The following PRELID2 variants were observed in gnomAD, a reference collection of about 807,000 sequenced individuals.
PRELID2 encodes PRELI domain-containing protein 2.
In PRELID2, 25 loss-of-function variants were observed where a neutral mutation model predicts 28.4. The observed-to-expected ratio is 0.88, with a 90% confidence interval of 0.64 to 1.23. The LOEUF is 1.23. PRELID2 is among the 50% of genes most tolerant of loss of function. The pLI is 0.00. For missense variants in PRELID2, 201 were observed against 214.4 expected (o/e 0.94, Z 0.39); for synonymous variants, 76 against 71.6 (o/e 1.06, Z -0.31).
chr5:145,546,263 CAG>C (rs1191525078), intron 1 of PRELID2, among the ~76,000 whole-genome samples: 4 of 152,098 alleles, frequency 2.6e-5, no homozygotes, highest in South Asian at 2.1e-4. Context: ...AACAGGGAAA[CAG>C]AAAATAATCT....
chr5:145,716,049 T>G (rs1397006821), intron 1 of PRELID2, among the ~76,000 whole-genome samples: 2 of 152,170 alleles, frequency 1.3e-5, no homozygotes, highest in Non-Finnish European at 2.9e-5. Flanking sequence ...ATGAGATTTT[T>G]TTTGGCGATT....
At chr5:145,268,613 A>G in the PRELID2 span, among the ~76,000 whole-genome samples, 4 of 152,130 alleles carry the variant, frequency 2.6e-5, no homozygotes, top group South Asian at 8.3e-4. Context: ...AGGTGCCTCT[A>G]GTCAGCTTTC....
chr5:145,699,248 T>G (rs923687381), intron 1 of PRELID2, among the ~76,000 whole-genome samples: 1 of 152,110 alleles, frequency 6.6e-6, no homozygotes, highest in Non-Finnish European at 1.5e-5. Flanking sequence ...GGCAAAGCTA[T>G]GTGAATTATT....
At chr5:145,609,981 A>C (rs1447528906) in intron 1 of PRELID2, among the ~76,000 whole-genome samples, 1 of 152,224 alleles carries the variant, frequency 6.6e-6, no homozygotes, top group Admixed American at 6.5e-5. Flanking sequence ...TATTAGGGCT[A>C]TGGTGCTGGT....
At chr5:145,780,409 T>C (rs776572285) in intron 5 of PRELID2, among the ~76,000 whole-genome samples, 6 of 152,218 alleles carry the variant, frequency 3.9e-5, no homozygotes, top group Non-Finnish European at 7.3e-5. Flanking sequence ...GGTTCCAATA[T>C]TGTCCTCCTT....
intron 5 of PRELID2, among the ~76,000 whole-genome samples, chr5:145,765,597 C>T (rs1399544906): frequency 6.6e-6 from 1 of 152,156 alleles, no homozygotes. Context: ...GGCCCCCTTC[C>T]CTTAATTTGG....
the PRELID2 span, among the ~76,000 whole-genome samples, chr5:145,380,143 G>A: frequency 6.6e-6 from 1 of 152,170 alleles, no homozygotes; most frequent in Non-Finnish European, 1.5e-5. Flanking sequence ...GCTAATTTAA[G>A]TGTCCATGGT....
At chr5:145,769,502 C>G (rs1757973590) in intron 5 of PRELID2, among the ~76,000 whole-genome samples, 1 of 152,200 alleles carries the variant, frequency 6.6e-6, no homozygotes, top group Non-Finnish European at 1.5e-5. Flanking sequence ...AGTATATTTA[C>G]TTTGCTATAA....
the PRELID2 span, among the ~76,000 whole-genome samples, chr5:145,436,403 A>G: frequency 6.6e-6 from 1 of 152,124 alleles, no homozygotes; most frequent in African/African-American, 2.4e-5. Flanking sequence ...ATATGCATGC[A>G]TATGTCTTTA....
intron 1 of PRELID2, among the ~76,000 whole-genome samples, chr5:145,526,458 T>C (rs1004778152): frequency 1.3e-5 from 2 of 152,094 alleles, no homozygotes; most frequent in African/African-American, 4.8e-5. Context: ...CTGCTTCCTA[T>C]ATTTGTACAT....
the PRELID2 span, among the ~76,000 whole-genome samples, chr5:145,405,305 C>T: frequency 6.6e-6 from 1 of 152,110 alleles, no homozygotes; most frequent in Non-Finnish European, 1.5e-5. Context: ...ACAGTTTATC[C>T]TAAACTCACC....
At chr5:145,319,680 AAAATAAATAAATAAATAAATAAATAAAT>A in the PRELID2 span, among the ~76,000 whole-genome samples, 1 of 144,576 alleles carries the variant, frequency 6.9e-6, no homozygotes, top group African/African-American at 2.6e-5. Context: ...CTCCATCTCA[AAAATAAATAAATAAATAAATAAATAAAT>A]AAATAAATAA....
At chr5:145,311,348 G>A in the PRELID2 span, among the ~76,000 whole-genome samples, 413 of 152,192 alleles carry the variant, frequency 2.7e-3, no homozygotes, top group Admixed American at 4.1e-3. Context: ...ATTTCTTGCC[G>A]AGAAGAGACT....
intron 1 of PRELID2, among the ~76,000 whole-genome samples, chr5:145,613,503 T>A (rs1057347414): frequency 2.1e-5 from 3 of 141,982 alleles, no homozygotes; most frequent in African/African-American, 7.9e-5. Flanking sequence ...GTCCAAGTGT[T>A]CTCATTGTTC....
chr5:145,767,473 A>G (rs1373509210), intron 5 of PRELID2, among the ~76,000 whole-genome samples: 1 of 152,160 alleles, frequency 6.6e-6, no homozygotes, highest in African/African-American at 2.4e-5. Flanking sequence ...AGGCTGTCAC[A>G]CTGACCCTCC....
intron 1 of PRELID2, among the ~76,000 whole-genome samples, chr5:145,535,481 T>C (rs1752691185): frequency 6.6e-6 from 1 of 151,802 alleles, no homozygotes. Context: ...TAACAGTAGG[T>C]TTTATTGCTC....
chr5:145,471,479 C>G (rs1752053675), downstream of PRELID2, among the ~76,000 whole-genome samples: 1 of 152,244 alleles, frequency 6.6e-6, no homozygotes, highest in African/African-American at 2.4e-5. Context: ...ACTTCCCTGA[C>G]TCCTTGTGGG....
At chr5:145,612,172 A>C (rs1190935291) in intron 1 of PRELID2, among the ~76,000 whole-genome samples, 1 of 152,244 alleles carries the variant, frequency 6.6e-6, no homozygotes, top group Non-Finnish European at 1.5e-5. Context: ...TATAAGAGGA[A>C]GAAAATTAAT....
chr5:145,398,387 T>G, the PRELID2 span, among the ~76,000 whole-genome samples: 360 of 152,234 alleles, frequency 2.4e-3, 2 homozygotes, highest in African/African-American at 8.1e-3. Flanking sequence ...TACCAGTTGA[T>G]TGTAGCAGTG....
Sources: allele counts gnomAD v4.1 joint callset (sites outside exome capture counted in the v4.1 genomes callset), GRCh38; gene constraint gnomAD v4.1.1; transcripts MANE v1.5; gene names NCBI Gene and HGNC (gene_info 2026-07-23, HGNC 2026-07-21).